Variants in BCKDHB observed in about 807,000 individuals in gnomAD.
BCKDHB encodes 2-oxoisovalerate dehydrogenase subunit beta, mitochondrial.
Under a neutral mutation model 48.5 loss-of-function variants are expected in BCKDHB, and 41 were observed. That is an observed-to-expected ratio of 0.85 (90% CI 0.66 to 1.10). The LOEUF (loss-of-function observed/expected upper bound fraction) is 1.10, where lower values mean the gene tolerates loss of function less well. Ranked by LOEUF, BCKDHB falls within the 50% of genes least tolerant of loss-of-function variation. The pLI is 0.00. For synonymous variants in BCKDHB, 201 were observed against 174.8 expected (o/e 1.15, Z -1.18); for missense variants, 496 against 494.2 (o/e 1.00, Z -0.03).
downstream of BCKDHB, among the ~76,000 whole-genome samples, chr6:80,347,202 T>C (rs927690625): frequency 2.6e-5 from 4 of 152,156 alleles, no homozygotes; most frequent in African/African-American, 9.7e-5. Flanking sequence ...TCTGAAATAA[T>C]GAACCCAATC....
chr6:80,435,342 G>C, the BCKDHB span, among the ~76,000 whole-genome samples: 1 of 152,098 alleles, frequency 6.6e-6, no homozygotes, highest in Non-Finnish European at 1.5e-5. Context: ...AAAGTAATGG[G>C]AAAGAATCAG....
intron 9 of BCKDHB, among the ~76,000 whole-genome samples, chr6:80,291,648 A>G (rs1339513198): frequency 1.3e-5 from 2 of 152,016 alleles, no homozygotes; most frequent in African/African-American, 2.4e-5. Context: ...TACATTATCC[A>G]TCCCTTTTGT....
chr6:80,301,825 A>G (rs1164221982), intron 9 of BCKDHB, among the ~76,000 whole-genome samples: 4 of 152,192 alleles, frequency 2.6e-5, no homozygotes, highest in African/African-American at 9.6e-5. Context: ...TTCCTGGGAT[A>G]CAAGGCTGGT....
chr6:80,269,676 T>TA (rs2127960207), intron 8 of BCKDHB, among the ~76,000 whole-genome samples: 2 of 152,282 alleles, frequency 1.3e-5, no homozygotes, highest in Admixed American at 1.3e-4. Context: ...TCCTGAAAAG[T>TA]TGTTTAAACA....
At chr6:80,157,658 A>T (rs552569428) in intron 3 of BCKDHB, among the ~76,000 whole-genome samples, 10 of 148,076 alleles carry the variant, frequency 6.8e-5, no homozygotes, top group South Asian at 4.3e-4. Flanking sequence ...TTTTTTTTTT[A>T]AATAGAGACA....
At chr6:80,276,070 G>A (rs373601926) in intron 9 of BCKDHB, among the ~76,000 whole-genome samples, 5 of 151,922 alleles carry the variant, frequency 3.3e-5, no homozygotes, top group African/African-American at 1.2e-4. Flanking sequence ...GTTTTAAATC[G>A]TGGATGAGAA....
At chr6:80,237,264 TTAGA>T (rs1433038651) in intron 8 of BCKDHB, among the ~76,000 whole-genome samples, 1 of 152,190 alleles carries the variant, frequency 6.6e-6, no homozygotes, top group Non-Finnish European at 1.5e-5. Flanking sequence ...ATCAGGATGC[TTAGA>T]TAGAGGCTGA....
chr6:80,118,654 A>AATTCTC (rs1769836530), intron 1 of BCKDHB, among the ~76,000 whole-genome samples: 1 of 152,326 alleles, frequency 6.6e-6, no homozygotes, highest in East Asian at 1.9e-4. Flanking sequence ...AATTGAAATC[A>AATTCTC]ATTCTCCCAA....
rs181108745 is a variant in BCKDHB, at chr6:80,279,579, T to C, written c.1038+6358T>C. ...TTTGAAAGCATCCAATGGATCCTCATTGGGTCTAGCAAAAAAATCTTTATG... is the reference window on the plus strand; with the variant it reads ...TTTGAAAGCATCCAATGGATCCTCACTGGGTCTAGCAAAAAAATCTTTATG... On this transcript the variant is annotated intron_variant, in intron 9 of 9. Coordinates refer to ENST00000320393, the MANE Select transcript of BCKDHB (RefSeq NM_183050.4). Among the ~76,000 whole-genome samples the C allele has an allele frequency of 1.2e-3, 187 of 152,024 alleles. 1 individual carries two copies. The Middle Eastern group carries it at 0.014, about 11-fold the overall frequency.
chr6:80,374,604 G>A, the BCKDHB span: 6 of 593,968 alleles, frequency 1.0e-5, no homozygotes, highest in South Asian at 1.8e-5. Context: ...TAGGAAAAGA[G>A]CCATTCTATA....
chr6:80,268,665 T>C (rs765474737), intron 8 of BCKDHB, among the ~76,000 whole-genome samples: 7 of 152,124 alleles, frequency 4.6e-5, no homozygotes, highest in Non-Finnish European at 8.8e-5. Flanking sequence ...CAAATGTCGA[T>C]GTTGTACTTT....
At chr6:80,466,343 A>T in the BCKDHB span, among the ~76,000 whole-genome samples, 2 of 152,212 alleles carry the variant, frequency 1.3e-5, no homozygotes, top group Non-Finnish European at 2.9e-5. Context: ...TAAGACATGT[A>T]GGCATTTGAA....
At chr6:80,466,081 A>G in the BCKDHB span, among the ~76,000 whole-genome samples, 1 of 152,162 alleles carries the variant, frequency 6.6e-6, no homozygotes, top group Non-Finnish European at 1.5e-5. Context: ...ACTTAAGTTG[A>G]TGTCTTGGAC....
chr6:80,355,419 A>G, the BCKDHB span: 2 of 151,222 alleles, frequency 1.3e-5, no homozygotes, highest in African/African-American at 4.9e-5. Context: ...AAAAAAAAAA[A>G]AGGAAGAAAA....
intron 6 of BCKDHB, among the ~76,000 whole-genome samples, chr6:80,182,581 A>G (rs756221430): frequency 1.3e-5 from 2 of 152,198 alleles, no homozygotes; most frequent in Non-Finnish European, 2.9e-5. Context: ...ATAGCATAAT[A>G]TAGTGAAAGT....
chr6:80,139,757 T>C (rs1771091469), intron 3 of BCKDHB, among the ~76,000 whole-genome samples: 1 of 152,220 alleles, frequency 6.6e-6, no homozygotes, highest in African/African-American at 2.4e-5. Context: ...AGCTTTGTTC[T>C]TTTGGCTTAG....
chr6:80,387,418 T>C, the BCKDHB span, among the ~76,000 whole-genome samples: 1 of 152,178 alleles, frequency 6.6e-6, no homozygotes, highest in Non-Finnish European at 1.5e-5. Context: ...TTGCAGAGAT[T>C]AGTGCCACCA....
intron 9 of BCKDHB, among the ~76,000 whole-genome samples, chr6:80,298,315 G>T (rs1029169082): frequency 6.6e-6 from 1 of 152,066 alleles, no homozygotes; most frequent in Non-Finnish European, 1.5e-5. Flanking sequence ...GTTTTGCCAT[G>T]TTGGCCAGGC....
Position 80,127,369 on chromosome 6 carries a change from G to A in BCKDHB, c.197-178G>A, listed in dbSNP as rs750913921. On this transcript the variant is annotated intron_variant, in intron 1 of 9. Transcript: ENST00000320393. ...TGGGTAAATTTTGCCCCATTAACAA[G>A]CTTCTCCAGGTCTGTATTGCTTTTG... 68 of 604,916 alleles carry A rather than the reference G, an allele frequency of 1.1e-4. 1 individual carries two copies. Among genetic ancestry groups the A allele is most frequent in the Non-Finnish European group, 1.6e-4 (55 of 346,612 alleles). 37.5% of individuals were successfully genotyped at this position (604,916 alleles called of 1,614,324 possible).
Sources: gnomAD v4.1 joint callset for allele counts (sites outside exome capture counted in the v4.1 genomes callset) on GRCh38, gnomAD v4.1.1 for gene constraint, MANE v1.5 for transcripts, NCBI Gene and HGNC (gene_info 2026-07-23, HGNC 2026-07-21) for gene names.